DNAH14: variants seen among roughly 807,000 people sequenced by gnomAD.
DNAH14 encodes the protein dynein axonemal heavy chain 14, also known as axonemal beta dynein heavy chain 14.
In DNAH14, 478 loss-of-function variants were observed where a neutral mutation model predicts 520.9. The observed-to-expected ratio is 0.92, with a 90% CI of 0.85 to 0.99. The LOEUF (loss-of-function observed/expected upper bound fraction) is 0.99, where lower values mean the gene tolerates loss of function less well. Among genes scored for constraint, DNAH14 ranks in the 50% least tolerant of loss-of-function variants. The probability of loss-of-function intolerance (pLI) is 0.00; values close to 1 mark genes in which losing one functional copy is unlikely to be tolerated. For missense variants in DNAH14, 4,831 were observed against 5,234.5 expected (o/e 0.92, Z 2.38); for synonymous variants, 1,581 against 1,757.2 (o/e 0.90, Z 2.51).
intron 1 of DNAH14, among the ~76,000 whole-genome samples, chr1:224,941,899 T>G (rs2125404918): frequency 6.6e-6 from 1 of 152,320 alleles, no homozygotes; most frequent in Middle Eastern, 3.4e-3. Flanking sequence ...GCATGCTGTT[T>G]TGGTTACTGT....
chr1:224,983,662 C>CT (rs2125708119), intron 8 of DNAH14, among the ~76,000 whole-genome samples: 1 of 152,232 alleles, frequency 6.6e-6, no homozygotes, highest in East Asian at 1.9e-4. Flanking sequence ...AGTACTCCTC[C>CT]AGAAAGCTCC....
intron 11 of DNAH14, among the ~76,000 whole-genome samples, chr1:225,033,332 G>A (rs950604443): frequency 6.6e-6 from 1 of 152,096 alleles, no homozygotes; most frequent in Non-Finnish European, 1.5e-5. Context: ...TATTGAATGG[G>A]GAGTGTTTCC....
chr1:225,002,346 G>A (rs1346514326), intron 8 of DNAH14, among the ~76,000 whole-genome samples: 3 of 152,114 alleles, frequency 2.0e-5, no homozygotes, highest in Admixed American at 6.6e-5. Flanking sequence ...TATGATATAG[G>A]TAGTTGGAGA....
chr1:224,989,984 CTT>C (rs750155287), intron 8 of DNAH14, among the ~76,000 whole-genome samples: 17 of 150,598 alleles, frequency 1.1e-4, no homozygotes, highest in Non-Finnish European at 2.1e-4. Flanking sequence ...TGCTATGGAT[CTT>C]TGCATGAGGA....
chr1:225,093,697 C>T (rs900620241), intron 21 of DNAH14, among the ~76,000 whole-genome samples: 1 of 152,124 alleles, frequency 6.6e-6, no homozygotes, highest in Non-Finnish European at 1.5e-5. Flanking sequence ...CAAACTGTCT[C>T]TGTTTGTAGA....
At chr1:225,297,733 A>T (rs1220736773) in intron 55 of DNAH14, among the ~76,000 whole-genome samples, 1 of 152,168 alleles carries the variant, frequency 6.6e-6, no homozygotes, top group Non-Finnish European at 1.5e-5. Context: ...GCTGTTTCTC[A>T]TGTCAAGGGC....
At chr1:225,170,381 C>A (rs367873774) in intron 36 of DNAH14, among the ~76,000 whole-genome samples, 3 of 152,054 alleles carry the variant, frequency 2.0e-5, no homozygotes, top group African/African-American at 7.2e-5. Context: ...ACCCATCTCA[C>A]GTGCAGAGAC....
intron 35 of DNAH14, among the ~76,000 whole-genome samples, chr1:225,164,148 G>T (rs2081812427): frequency 6.6e-6 from 1 of 152,154 alleles, no homozygotes; most frequent in African/African-American, 2.4e-5. Context: ...AAATCACTGA[G>T]ATAGCTATTT....
rs56658194 is a variant in DNAH14 at position 225,082,171 on chromosome 1, GGT to G, written c.3137-352_3137-351del. Among the ~76,000 whole-genome samples the G allele has an allele frequency of 6.3e-4, 92 of 145,300 alleles. No individual in the cohort carries two copies. In the South Asian group the frequency reaches 0.011, roughly 18 times the overall value. On this transcript the variant is annotated intron_variant, in intron 19 of 85. Transcript: ENST00000682510. The stretch of plus-strand genomic sequence containing the variant: ...CTGTGACAGTCTTCTGAATGTTTGT[GGT>G]GTGTGTGTGTGTGTGTGTGTGTGTG...
intron 15 of DNAH14, among the ~76,000 whole-genome samples, chr1:225,049,045 C>CTTTTTTT (rs1196968494): frequency 1.1e-5 from 1 of 87,118 alleles, no homozygotes; most frequent in Non-Finnish European, 2.2e-5. Context: ...GATCTCTTGC[C>CTTTTTTT]TATTTTTTTT....
chr1:225,230,871 A>G (rs2091040106), intron 41 of DNAH14, among the ~76,000 whole-genome samples: 1 of 152,194 alleles, frequency 6.6e-6, no homozygotes, highest in Non-Finnish European at 1.5e-5. Context: ...AATAAAAATC[A>G]GTTCTGACAA....
intron 3 of DNAH14, among the ~76,000 whole-genome samples, chr1:224,959,450 G>A (rs2060712683): frequency 6.6e-6 from 1 of 152,034 alleles, no homozygotes; most frequent in East Asian, 1.9e-4. Flanking sequence ...CCTTTGTTTT[G>A]TTTGTAATTA....
chr1:225,364,285 T>G (rs996521078), intron 75 of DNAH14, among the ~76,000 whole-genome samples: 3 of 152,186 alleles, frequency 2.0e-5, no homozygotes, highest in Admixed American at 6.5e-5. Context: ...AATTTTTGAC[T>G]GAATTACTAC....
rs1558437684 is a variant in DNAH14, at chr1:225,335,856, CATATAT to C, written c.10081-1409_10081-1404del. Among the ~76,000 whole-genome samples, 12 of 77,114 alleles carry C rather than the reference CATATAT, an allele frequency of 1.6e-4. 4 individuals carry two copies. In the East Asian group the frequency reaches 4.8e-3, roughly 31 times the overall value. 50.6% of individuals were successfully genotyped at this position (77,114 alleles called of 152,430 possible). On this transcript the variant is annotated intron_variant, in intron 66 of 85. Transcript: ENST00000682510. ...ACATATATGTACATACACATATGTA[CATATAT>C]GTACATACACATATACATATATGTA...
intron 8 of DNAH14, among the ~76,000 whole-genome samples, chr1:224,996,111 C>T (rs1405367083): frequency 6.6e-6 from 1 of 151,848 alleles, no homozygotes; most frequent in Non-Finnish European, 1.5e-5. Context: ...TTTGTAATCC[C>T]ATGTTCTTGT....
chr1:225,158,787 G>A (rs1440554226), intron 34 of DNAH14, among the ~76,000 whole-genome samples: 1 of 152,128 alleles, frequency 6.6e-6, no homozygotes, highest in South Asian at 2.1e-4. Flanking sequence ...AGTAGCTATA[G>A]CCATTTACCA....
At chr1:225,299,450 A>G (rs905941326) in intron 55 of DNAH14, among the ~76,000 whole-genome samples, 4 of 152,124 alleles carry the variant, frequency 2.6e-5, no homozygotes, top group Admixed American at 1.3e-4. Context: ...GTGCCATATC[A>G]TATCTACGAA....
chr1:225,205,458 T>C (rs559254828), intron 39 of DNAH14, among the ~76,000 whole-genome samples: 1 of 152,300 alleles, frequency 6.6e-6, no homozygotes, highest in East Asian at 1.9e-4. Context: ...TAAATGTCTA[T>C]AGTTTATAAG....
rs940963543 is a variant in DNAH14, at chr1:224,962,371, A to G, written c.367+2069A>G. 4.6e-5 allele frequency among the ~76,000 whole-genome samples: 7 copies of G among 152,174 alleles called. No homozygotes were observed. In the South Asian group the frequency reaches 8.3e-4, roughly 18 times the overall value. On this transcript the variant is annotated intron_variant, in intron 4 of 85. Transcript: ENST00000682510. ...AGGGGCATGCCTGACCTAATCAGATATACCCTTAAGAGACCAGAAGCAGTA... is the reference window on the plus strand; with the variant it reads ...AGGGGCATGCCTGACCTAATCAGATGTACCCTTAAGAGACCAGAAGCAGTA...
Sources: allele counts gnomAD v4.1 joint callset (sites outside exome capture counted in the v4.1 genomes callset), GRCh38; gene constraint gnomAD v4.1.1; transcripts MANE v1.5; gene names NCBI Gene and HGNC (gene_info 2026-07-23, HGNC 2026-07-21).